The following HRH2 variants were observed in gnomAD, a reference collection of about 807,000 sequenced individuals.
The protein encoded by HRH2 is histamine H2 receptor.
HRH2 carries 4 observed loss-of-function variants against 20.1 expected under a neutral mutation model. That is an observed-to-expected ratio of 0.20 (90% CI 0.10 to 0.45). The LOEUF (loss-of-function observed/expected upper bound fraction) is 0.45. HRH2 is among the 20% of genes least tolerant of loss of function. HRH2 has a pLI of 0.99. For synonymous variants in HRH2, 197 were observed against 200.7 expected (o/e 0.98, Z 0.16); for missense variants, 250 against 461.6 (o/e 0.54, Z 4.20).
intron 2 of HRH2, among the ~76,000 whole-genome samples, chr5:175,706,591 C>T (rs751133220): frequency 6.6e-6 from 1 of 152,208 alleles, no homozygotes; most frequent in African/African-American, 2.4e-5. Flanking sequence ...AGGGCAAATA[C>T]CTGCCTGCTT....
chr5:175,675,700 C>T (rs1370110143), intron 1 of HRH2, among the ~76,000 whole-genome samples: 1 of 152,250 alleles, frequency 6.6e-6, no homozygotes, highest in Non-Finnish European at 1.5e-5. Flanking sequence ...CCCTGTCTCA[C>T]TCCTAAGCAT....
rs1464898672 is a variant in HRH2, at chr5:175,683,092, A to G, written c.-142A>G. 3.9e-6 allele frequency: 1 copy of G among 259,556 alleles called. No individual in the cohort carries two copies. Among genetic ancestry groups the G allele is most frequent in the Non-Finnish European group, 5.3e-6 (1 of 187,006 alleles). The allele number at this position is 259,556 out of a possible 1,614,324, so 16.1% of individuals were successfully genotyped here. A position where few individuals can be genotyped will look rare whatever the true frequency, so the allele number is the denominator to read the frequency against. Reference sequence around the variant, plus strand: ...TTGAAGCCTTCCCCACCCCCTGGCCAAAAAAAAAAAAAAAAAAAAACTGGA... The same window carrying G: ...TTGAAGCCTTCCCCACCCCCTGGCCGAAAAAAAAAAAAAAAAAAAACTGGA... On this transcript the variant is annotated 5_prime_UTR_variant, in exon 2 of 3. Coordinates refer to ENST00000636584, the MANE Select transcript of HRH2 (RefSeq NM_001367711.1).
chr5:175,690,629 G>A (rs1042021003), intron 2 of HRH2, among the ~76,000 whole-genome samples: 5 of 152,044 alleles, frequency 3.3e-5, no homozygotes, highest in Non-Finnish European at 7.4e-5. Context: ...GGATTCACCC[G>A]TTTAAAGTGG....
chr5:175,683,129 T>G lies in HRH2; in HGVS notation c.-105T>G. The G allele has an allele frequency of 3.3e-6, 4 of 1,215,782 alleles. No individual in the cohort carries two copies. The highest frequency in any genetic ancestry group is 3.4e-6 in the Non-Finnish European group (3 of 884,860). 75.3% of individuals were successfully genotyped at this position (1,215,782 alleles called of 1,614,324 possible). A position where few individuals can be genotyped will look rare whatever the true frequency, so the allele number is the denominator to read the frequency against. ...AAAAAAAAACTGGACACATTTTGGA[T>G]CTGTTGGGAGCTTGGAGTCCAGTGG... On this transcript the variant is annotated 5_prime_UTR_variant, in exon 2 of 3. Transcript: ENST00000636584.
chr5:175,701,765 T>G (rs889094157), intron 2 of HRH2, among the ~76,000 whole-genome samples: 2 of 152,144 alleles, frequency 1.3e-5, no homozygotes, highest in African/African-American at 4.8e-5. Context: ...AGAATCAAGG[T>G]GCTGTTAGCA....
At chr5:175,684,367 T>C in intron 2 of HRH2, 58 bp downstream of exon 2, 1 of 1,573,294 alleles carries the variant, frequency 6.4e-7, no homozygotes, top group Non-Finnish European at 8.6e-7. Context: ...ATGCTACTGA[T>C]GGGAATGATT....
intron 2 of HRH2, among the ~76,000 whole-genome samples, chr5:175,699,385 A>C (rs1296074421): frequency 1.3e-5 from 2 of 152,288 alleles, no homozygotes; most frequent in East Asian, 1.9e-4. Flanking sequence ...GGCTGGCCCC[A>C]AGGGCAGGAG....
At chr5:175,704,210 T>C (rs1413186033) in intron 2 of HRH2, among the ~76,000 whole-genome samples, 1 of 151,966 alleles carries the variant, frequency 6.6e-6, no homozygotes, top group Non-Finnish European at 1.5e-5. Flanking sequence ...ATCAGAAACA[T>C]GAACATACTT....
In HRH2 at chr5:175,677,712, G is replaced by A. The variant is rs1212254051; in HGVS notation, c.-525-4997G>A. 1.3e-5 allele frequency among the ~76,000 whole-genome samples: 2 copies of A among 152,196 alleles called. No homozygotes were observed. Among genetic ancestry groups the A allele is most frequent in the African/African-American group, 2.4e-5 (1 of 41,460 alleles). On this transcript the variant is annotated intron_variant, in intron 1 of 2. Coordinates refer to ENST00000636584, the MANE Select transcript of HRH2 (RefSeq NM_001367711.1). The surrounding 1 kb of genome is among the most constrained non-coding windows in gnomAD (Gnocchi z 4.2). ...GAACATTTGAAGTGGTCGATGACAG[G>A]GGAAAAGTTCTGAGAACGAATAGCT... is the stretch of plus-strand genomic sequence containing the variant.
At chr5:175,669,616 G>T (rs532330680) in intron 1 of HRH2, among the ~76,000 whole-genome samples, 165 of 152,216 alleles carry the variant, frequency 1.1e-3, no homozygotes, top group African/African-American at 3.7e-3. Flanking sequence ...CACCCACCTC[G>T]GCCTCCCGAA....
At chr5:175,658,475 A>G (rs1762633912) in intron 1 of HRH2, among the ~76,000 whole-genome samples, 1 of 152,012 alleles carries the variant, frequency 6.6e-6, no homozygotes, top group African/African-American at 2.4e-5. Context: ...GGTCGGCTTT[A>G]TATCCCCTTT....
intron 2 of HRH2, among the ~76,000 whole-genome samples, chr5:175,706,035 T>C (rs894111883): frequency 5.9e-5 from 9 of 152,126 alleles, no homozygotes; most frequent in Non-Finnish European, 1.2e-4. Context: ...CTATCAACAA[T>C]ATAATGTTAA....
chr5:175,660,472 C>T (rs183411870), intron 1 of HRH2, among the ~76,000 whole-genome samples: 2 of 152,178 alleles, frequency 1.3e-5, no homozygotes, highest in African/African-American at 4.8e-5. Flanking sequence ...GGCAGGGTCC[C>T]AAATATGTGG....
chr5:175,668,027 G>A (rs1762961123), intron 1 of HRH2, among the ~76,000 whole-genome samples: 2 of 152,218 alleles, frequency 1.3e-5, no homozygotes, highest in Non-Finnish European at 2.9e-5. Context: ...CTCTACTGCT[G>A]TGTCTCTTTG....
At chr5:175,675,658 A>G (rs1581423735) in intron 1 of HRH2, among the ~76,000 whole-genome samples, 1 of 151,838 alleles carries the variant, frequency 6.6e-6, no homozygotes, top group South Asian at 2.1e-4. Context: ...CCCTCACCCA[A>G]CCCTAGCCTG....
chr5:175,697,417 A>AGC lies in HRH2; in HGVS notation c.1077-10359_1077-10358dup, dbSNP rs1257410673. 1.2e-4 allele frequency among the ~76,000 whole-genome samples: 18 copies of AGC among 149,344 alleles called. No individual in the cohort carries two copies. In the South Asian group the frequency reaches 3.6e-3, roughly 30 times the overall value. Reference sequence around the variant, plus strand: ...GGCGGAGCTTGCAGTGAGCCGGGATAGCGCCACTGCAGTCCAGCTTGGGCG... The same window carrying AGC: ...GGCGGAGCTTGCAGTGAGCCGGGATAGCGCGCCACTGCAGTCCAGCTTGGGCG... On this transcript the variant is annotated intron_variant, in intron 2 of 2. Transcript: ENST00000636584.
rs1337030972 is a variant in HRH2 at position 175,681,464 on chromosome 5, G to T, written c.-525-1245G>T. ...ATTTCTGCACACACTCAGAGCTCAG[G>T]AGATTGCCTGCTCTCTGAAAAACCA... On this transcript the variant is annotated intron_variant, in intron 1 of 2. Coordinates refer to ENST00000636584, the MANE Select transcript of HRH2 (RefSeq NM_001367711.1). This position sits in a 1 kb window ranked among gnomAD's most constrained non-coding sequence, Gnocchi z 4.3. Among the ~76,000 whole-genome samples the T allele has an allele frequency of 6.6e-6, 1 of 152,202 alleles. No individual in the cohort carries two copies. The highest frequency in any genetic ancestry group is 1.5e-5 in the Non-Finnish European group (1 of 68,040).
At chr5:175,670,825 C>T (rs1192101247) in intron 1 of HRH2, among the ~76,000 whole-genome samples, 2 of 152,252 alleles carry the variant, frequency 1.3e-5, no homozygotes, top group Non-Finnish European at 2.9e-5. Context: ...TCCAGGCAGA[C>T]AGCTGCCTGG....
Position 175,687,262 on chromosome 5 carries a change from G to A in HRH2, c.1076+2953G>A, listed in dbSNP as rs186626939. ...AGACTGCCAGGGCGATCAGGGCCTC[G>A]TGTGTCCCTCGATAAGCTCGGCTGC... On this transcript the variant is annotated intron_variant, in intron 2 of 2. Transcript: ENST00000636584. The surrounding 1 kb of genome is among the most constrained non-coding windows in gnomAD (Gnocchi z 5.2). Among the ~76,000 whole-genome samples, 3 of 152,256 alleles carry A rather than the reference G, an allele frequency of 2.0e-5. No homozygotes were observed. Among genetic ancestry groups the A allele is most frequent in the East Asian group, 3.9e-4 (2 of 5,168 alleles).
Sources: allele counts gnomAD v4.1 joint callset (sites outside exome capture counted in the v4.1 genomes callset), GRCh38; gene constraint gnomAD v4.1.1; non-coding constraint Gnocchi (gnomAD v3.1); transcripts MANE v1.5; gene names NCBI Gene and HGNC (gene_info 2026-07-23, HGNC 2026-07-21).